PDCD1LG2: variants seen among roughly 807,000 people sequenced by gnomAD.
PDCD1LG2 encodes the protein B7 dendritic cell molecule.
In PDCD1LG2, 32 loss-of-function variants were observed where a neutral mutation model predicts 28.2. The ratio of observed to expected loss-of-function variants is 1.13; its 90% CI spans 0.86 to 1.52. The LOEUF (loss-of-function observed/expected upper bound fraction) is 1.52, where lower values mean the gene tolerates loss of function less well. Ranked by LOEUF, PDCD1LG2 falls within the 40% of genes most tolerant of loss-of-function variation. The pLI, the probability that PDCD1LG2 is intolerant of heterozygous loss-of-function variation, is 0.00. For missense variants in PDCD1LG2, 385 were observed against 323.8 expected (o/e 1.19, Z -1.45); for synonymous variants, 116 against 120.2 (o/e 0.97, Z 0.23).
chr9:5,532,616 G>A (rs1021185374), intron 2 of PDCD1LG2, among the ~76,000 whole-genome samples: 4 of 152,146 alleles, frequency 2.6e-5, no homozygotes, highest in Middle Eastern at 3.2e-3. Context: ...GCAGGATAGT[G>A]GGAAGAAAAA....
chr9:5,566,281 C>T (rs530128038), intron 6 of PDCD1LG2, among the ~76,000 whole-genome samples: 3 of 152,336 alleles, frequency 2.0e-5, no homozygotes, highest in African/African-American at 7.2e-5. Flanking sequence ...TTTTGCTTCA[C>T]TAACCAGCAA....
intron 3 of PDCD1LG2, among the ~76,000 whole-genome samples, chr9:5,536,825 G>A (rs1375625515): frequency 6.6e-6 from 1 of 152,204 alleles, no homozygotes; most frequent in East Asian, 1.9e-4. Flanking sequence ...TGAGTTCCTA[G>A]ATCCTCATCT....
At chr9:5,532,235 C>G (rs559849572) in intron 2 of PDCD1LG2, among the ~76,000 whole-genome samples, 5 of 152,312 alleles carry the variant, frequency 3.3e-5, no homozygotes, top group African/African-American at 1.2e-4. Context: ...CCCCTGTGCC[C>G]CTCCTGCACA....
intron 3 of PDCD1LG2, among the ~76,000 whole-genome samples, chr9:5,543,868 TG>T (rs1045838616): frequency 7.0e-4 from 2 of 2,868 alleles, no homozygotes; most frequent in Non-Finnish European, 1.2e-3. Flanking sequence ...TGAATTTCAA[TG>T]GGGTGGGGGG....
intron 4 of PDCD1LG2, among the ~76,000 whole-genome samples, chr9:5,550,020 A>C (rs1259286399): frequency 6.6e-6 from 1 of 152,238 alleles, no homozygotes; most frequent in African/African-American, 2.4e-5. Flanking sequence ...GTTGTATTCC[A>C]TAAAAGTCAA....
chr9:5,543,343 T>C (rs1423435740), intron 3 of PDCD1LG2, among the ~76,000 whole-genome samples: 3 of 151,932 alleles, frequency 2.0e-5, no homozygotes, highest in Non-Finnish European at 1.5e-5. Context: ...ATCAAGATCA[T>C]CCTGGCTAAC....
intron 1 of PDCD1LG2, among the ~76,000 whole-genome samples, chr9:5,518,742 T>C (rs1820216550): frequency 6.6e-6 from 1 of 152,206 alleles, no homozygotes; most frequent in African/African-American, 2.4e-5. Flanking sequence ...AGCACTCTTC[T>C]TGAGAGAGTT....
intron 2 of PDCD1LG2, among the ~76,000 whole-genome samples, chr9:5,525,659 A>C (rs1029099108): frequency 3.3e-5 from 5 of 152,092 alleles, no homozygotes; most frequent in Non-Finnish European, 4.4e-5. Context: ...TAAATAAATA[A>C]AAATTAAGGC....
chr9:5,515,439 G>GA (rs915976612), intron 1 of PDCD1LG2, among the ~76,000 whole-genome samples: 3 of 152,170 alleles, frequency 2.0e-5, no homozygotes, highest in Non-Finnish European at 4.4e-5. Context: ...CCCTTGTCCA[G>GA]AAAAAATGAG....
chr9:5,516,133 C>A (rs1820157623), intron 1 of PDCD1LG2, among the ~76,000 whole-genome samples: 3 of 151,724 alleles, frequency 2.0e-5, no homozygotes. Flanking sequence ...CTCACTGCAA[C>A]CTCTGCCTCC....
At chr9:5,528,330 A>G (rs1265390806) in intron 2 of PDCD1LG2, among the ~76,000 whole-genome samples, 1 of 150,628 alleles carries the variant, frequency 6.6e-6, no homozygotes, top group Non-Finnish European at 1.5e-5. Context: ...GAGACAGGGT[A>G]TCACTCTGTT....
intron 3 of PDCD1LG2, among the ~76,000 whole-genome samples, chr9:5,539,623 G>A (rs1820651389): frequency 1.3e-5 from 2 of 152,214 alleles, no homozygotes; most frequent in South Asian, 4.1e-4. Context: ...TCCATCTGAG[G>A]AAGGGGCGGG....
At chr9:5,511,548 C>T (rs535592600) in intron 1 of PDCD1LG2, among the ~76,000 whole-genome samples, 99 of 152,154 alleles carry the variant, frequency 6.5e-4, no homozygotes, top group Non-Finnish European at 1.3e-3. Context: ...AATACTATGG[C>T]TCTGAGGGGC....
intron 4 of PDCD1LG2, 37 bp from the exon 5 acceptor site, chr9:5,557,581 C>T (rs2129920015): frequency 6.2e-6 from 10 of 1,612,028 alleles, no homozygotes; most frequent in Non-Finnish European, 8.5e-6. Context: ...CTCTTAGTTG[C>T]CATGTAACAG....
intron 1 of PDCD1LG2, among the ~76,000 whole-genome samples, chr9:5,521,820 C>G (rs1820279892): frequency 1.3e-5 from 2 of 152,160 alleles, no homozygotes; most frequent in African/African-American, 4.8e-5. Context: ...AGACCATTAT[C>G]AGATTAGCTG....
chr9:5,535,838 T>C (rs1820569820), intron 3 of PDCD1LG2, among the ~76,000 whole-genome samples: 3 of 152,102 alleles, frequency 2.0e-5, no homozygotes, highest in African/African-American at 2.4e-5. Context: ...AAAATCTAAA[T>C]ATAAAGAGAA....
intron 5 of PDCD1LG2, among the ~76,000 whole-genome samples, chr9:5,561,531 A>G (rs965248459): frequency 6.6e-6 from 1 of 152,230 alleles, no homozygotes; most frequent in Non-Finnish European, 1.5e-5. Flanking sequence ...TTCAGTCAAT[A>G]TTATTATCTT....
In PDCD1LG2 at chr9:5,537,099, G is replaced by A. The variant is rs186330158; in HGVS notation, c.361+2049G>A. Among the ~76,000 whole-genome samples the A allele has an allele frequency of 3.3e-5, 5 of 152,278 alleles. No homozygotes were observed. In the East Asian group the frequency reaches 9.6e-4, roughly 29 times the overall value. Reference sequence around the variant, plus strand: ...TTTTCTGCTTTCAACAAAATTGAAGGAGGCCCTTATAAAGTTAATAACTGA... The same window carrying A: ...TTTTCTGCTTTCAACAAAATTGAAGAAGGCCCTTATAAAGTTAATAACTGA... On this transcript the variant is annotated intron_variant, in intron 3 of 6. Coordinates refer to ENST00000397747, the MANE Select transcript of PDCD1LG2 (RefSeq NM_025239.4).
At chr9:5,513,539 A>T (rs1258121909) in intron 1 of PDCD1LG2, among the ~76,000 whole-genome samples, 2 of 152,260 alleles carry the variant, frequency 1.3e-5, no homozygotes, top group Admixed American at 6.5e-5. Flanking sequence ...ATGATAAATT[A>T]TTCTATGAAT....
Sources: gnomAD v4.1 joint callset for allele counts (sites outside exome capture counted in the v4.1 genomes callset) on GRCh38, gnomAD v4.1.1 for gene constraint, MANE v1.5 for transcripts, NCBI Gene and HGNC (gene_info 2026-07-23, HGNC 2026-07-21) for gene names.